The following MAGI2 variants were observed in gnomAD, a reference collection of about 807,000 sequenced individuals.
MAGI2 encodes membrane-associated guanylate kinase, WW and PDZ domain-containing protein 2.
MAGI2 carries 35 observed loss-of-function variants against 133.3 expected under a neutral mutation model. The ratio of observed to expected loss-of-function variants is 0.26; its 90% CI spans 0.20 to 0.35. The LOEUF is 0.35. MAGI2 is among the 10% of genes least tolerant of loss of function. The pLI is 1.00. For synonymous variants in MAGI2, 729 were observed against 710.6 expected (o/e 1.03, Z -0.41); for missense variants, 1,636 against 1,863.4 (o/e 0.88, Z 2.25).
intron 1 of MAGI2, chr7:79,410,136 C>T (rs977100153): frequency 6.6e-6 from 1 of 151,994 alleles, no homozygotes; most frequent in Non-Finnish European, 1.5e-5. Context: ...TCTGTACAGG[C>T]GACATTCTAA....
intron 2 of MAGI2, among the ~76,000 whole-genome samples, chr7:78,943,907 T>TC (rs1259946910): frequency 6.6e-6 from 1 of 152,216 alleles, no homozygotes. Flanking sequence ...AAATGTTTTT[T>TC]CCTAGTATTT....
intron 1 of MAGI2, among the ~76,000 whole-genome samples, chr7:79,169,415 T>A (rs1825299784): frequency 6.6e-6 from 1 of 152,238 alleles, no homozygotes; most frequent in East Asian, 1.9e-4. Flanking sequence ...GTTCTAAATA[T>A]TTAACTATAT....
chr7:79,311,629 G>A (rs183814651), intron 1 of MAGI2, among the ~76,000 whole-genome samples: 251 of 151,560 alleles, frequency 1.7e-3, no homozygotes, highest in African/African-American at 5.5e-3. Context: ...ATAACTTTAC[G>A]TACCATCTAC....
intron 10 of MAGI2, chr7:78,255,612 T>G: frequency 2.0e-6 from 1 of 506,996 alleles, no homozygotes; most frequent in Non-Finnish European, 3.4e-6. Flanking sequence ...GAAACCAGTT[T>G]GAGTTCTCCA....
intron 15 of MAGI2, among the ~76,000 whole-genome samples, chr7:78,166,436 A>G (rs1825631799): frequency 6.6e-6 from 1 of 152,238 alleles, no homozygotes; most frequent in African/African-American, 2.4e-5. Flanking sequence ...CATCTAGCCC[A>G]AGGATAAGGC....
At chr7:78,838,902 C>T (rs899136168) in intron 2 of MAGI2, among the ~76,000 whole-genome samples, 17 of 152,054 alleles carry the variant, frequency 1.1e-4, no homozygotes, top group African/African-American at 2.9e-4. Context: ...AGTGTTATAA[C>T]ACTTAATGTA....
chr7:78,940,617 A>G (rs1187524558), intron 2 of MAGI2: 1 of 152,224 alleles, frequency 6.6e-6, no homozygotes, highest in Non-Finnish European at 1.5e-5. Context: ...AAGAAGCAAC[A>G]GCAACAGCAT....
intron 1 of MAGI2, among the ~76,000 whole-genome samples, chr7:79,437,641 G>T (rs375593396): frequency 9.2e-5 from 14 of 152,052 alleles, no homozygotes; most frequent in Non-Finnish European, 1.9e-4. Context: ...AGCCTAGAAC[G>T]TCACAGCAAT....
At chr7:78,661,099 T>C (rs1009052745) in intron 2 of MAGI2, among the ~76,000 whole-genome samples, 3 of 152,226 alleles carry the variant, frequency 2.0e-5, no homozygotes, top group African/African-American at 7.2e-5. Context: ...AACAATGGCA[T>C]TTGTGAAGCA....
intron 1 of MAGI2, among the ~76,000 whole-genome samples, chr7:79,057,624 C>G (rs1165447297): frequency 1.3e-5 from 2 of 152,140 alleles, no homozygotes; most frequent in Non-Finnish European, 2.9e-5. Context: ...CCTCTTTTAA[C>G]TTTTATTCAT....
intron 6 of MAGI2, among the ~76,000 whole-genome samples, chr7:78,422,031 C>T (rs1798847699): frequency 6.6e-6 from 1 of 152,072 alleles, no homozygotes; most frequent in African/African-American, 2.4e-5. Flanking sequence ...TATGTTGGGC[C>T]AATTTCAATG....
chr7:78,771,558 C>T (rs553181130), intron 2 of MAGI2, among the ~76,000 whole-genome samples: 1 of 152,264 alleles, frequency 6.6e-6, no homozygotes, highest in South Asian at 2.1e-4. Flanking sequence ...TGTAATTAAA[C>T]TTTTCAGTGT....
chr7:78,601,450 G>A (rs541309918), intron 3 of MAGI2, among the ~76,000 whole-genome samples: 41 of 152,044 alleles, frequency 2.7e-4, no homozygotes, highest in South Asian at 1.5e-3. Flanking sequence ...TCTGAACTTC[G>A]CATTCTGAGA....
intron 2 of MAGI2, among the ~76,000 whole-genome samples, chr7:78,953,177 C>T (rs1802010182): frequency 6.6e-6 from 1 of 152,154 alleles, no homozygotes; most frequent in African/African-American, 2.4e-5. Flanking sequence ...TAACTGAAAA[C>T]ATCACCATCT....
chr7:78,878,050 C>G (rs1045711727), intron 2 of MAGI2, among the ~76,000 whole-genome samples: 4 of 152,204 alleles, frequency 2.6e-5, no homozygotes, highest in Non-Finnish European at 5.9e-5. Flanking sequence ...GTGAACCTGG[C>G]TTTCCTTTTC....
chr7:78,148,656 A>G (rs1458973761), intron 16 of MAGI2, among the ~76,000 whole-genome samples: 1 of 152,172 alleles, frequency 6.6e-6, no homozygotes, highest in Non-Finnish European at 1.5e-5. Flanking sequence ...TCTGAGTCAT[A>G]AAACACAAAC....
intron 2 of MAGI2, among the ~76,000 whole-genome samples, chr7:78,994,851 C>T (rs1368564760): frequency 2.0e-5 from 3 of 151,960 alleles, no homozygotes; most frequent in Admixed American, 2.0e-4. Context: ...CCATTCTATC[C>T]CCATCACCCC....
chr7:78,813,631 A>G (rs1243667246), intron 2 of MAGI2, among the ~76,000 whole-genome samples: 1 of 151,956 alleles, frequency 6.6e-6, no homozygotes, highest in African/African-American at 2.4e-5. Context: ...TAGAAATGCA[A>G]AAAAATTGGC....
intron 1 of MAGI2, among the ~76,000 whole-genome samples, chr7:79,443,204 G>A (rs951452026): frequency 2.6e-5 from 4 of 151,800 alleles, no homozygotes; most frequent in South Asian, 2.1e-4. Flanking sequence ...CCCAGGAGTC[G>A]GAGGTCTCTG....
Sources: allele counts gnomAD v4.1 joint callset (sites outside exome capture counted in the v4.1 genomes callset), GRCh38; gene constraint gnomAD v4.1.1; transcripts MANE v1.5; gene names NCBI Gene and HGNC (gene_info 2026-07-23, HGNC 2026-07-21).